Variants in R3HDM1 observed in about 807,000 individuals in gnomAD.
R3HDM1 encodes the protein R3H domain containing 1.
Under a neutral mutation model 141.1 loss-of-function variants are expected in R3HDM1, and 46 were observed. The observed-to-expected ratio is 0.33, with a 90% CI of 0.26 to 0.42. The LOEUF is 0.42. Among genes scored for constraint, R3HDM1 ranks in the 10% least tolerant of loss-of-function variants. The probability of loss-of-function intolerance (pLI) is 1.00; values close to 1 mark genes in which losing one functional copy is unlikely to be tolerated. For missense variants in R3HDM1, 1,184 were observed against 1,368.3 expected (o/e 0.87, Z 2.12); for synonymous variants, 435 against 472.9 (o/e 0.92, Z 1.04).
chr2:135,614,413 C>T (rs2060825157), intron 3 of R3HDM1, among the ~76,000 whole-genome samples: 1 of 152,078 alleles, frequency 6.6e-6, no homozygotes, highest in Non-Finnish European at 1.5e-5. Flanking sequence ...CTTTAATAAT[C>T]GATTACATTT....
chr2:135,564,887 T>C (rs1275276242), intron 1 of R3HDM1, among the ~76,000 whole-genome samples: 1 of 152,242 alleles, frequency 6.6e-6, no homozygotes, highest in Non-Finnish European at 1.5e-5. Context: ...CAAGTAGTTA[T>C]CACAAAATGG....
chr2:135,707,784 T>C (rs572258479), intron 21 of R3HDM1, among the ~76,000 whole-genome samples: 3 of 152,352 alleles, frequency 2.0e-5, no homozygotes, highest in East Asian at 3.9e-4. Flanking sequence ...AGGTAGCTAA[T>C]ACTTATATTA....
At chr2:135,624,454 C>T (rs1024991020) in intron 7 of R3HDM1, among the ~76,000 whole-genome samples, 2 of 151,016 alleles carry the variant, frequency 1.3e-5, no homozygotes, top group Non-Finnish European at 2.9e-5. Context: ...GAAGCATAGG[C>T]CATATCCAAC....
chr2:135,540,321 C>T (rs1157876987), intron 1 of R3HDM1, among the ~76,000 whole-genome samples: 3 of 152,144 alleles, frequency 2.0e-5, no homozygotes, highest in Admixed American at 6.5e-5. Flanking sequence ...AGGTTGAAAT[C>T]GATTTCTTCC....
At chr2:135,668,028 A>G (rs2067792777) in intron 19 of R3HDM1, among the ~76,000 whole-genome samples, 1 of 152,220 alleles carries the variant, frequency 6.6e-6, no homozygotes, top group Non-Finnish European at 1.5e-5. Flanking sequence ...TGTGAGGCAT[A>G]CCTGTAATTA....
intron 1 of R3HDM1, among the ~76,000 whole-genome samples, chr2:135,559,753 G>A (rs1172134320): frequency 2.0e-5 from 3 of 152,150 alleles, no homozygotes; most frequent in Admixed American, 6.5e-5. Context: ...TGAAGGAACT[G>A]TCTATCTCCA....
intron 18 of R3HDM1, among the ~76,000 whole-genome samples, chr2:135,657,064 C>T (rs1225000517): frequency 6.6e-6 from 1 of 151,442 alleles, no homozygotes; most frequent in Non-Finnish European, 1.5e-5. Flanking sequence ...CGTGCCACTG[C>T]ACTTCTGGGC....
chr2:135,572,383 C>T (rs1182897347), intron 1 of R3HDM1, among the ~76,000 whole-genome samples: 1 of 152,136 alleles, frequency 6.6e-6, no homozygotes, highest in Non-Finnish European at 1.5e-5. Context: ...GATATTTTTC[C>T]AGAGAAGATA....
At chr2:135,706,535 T>A (rs1432582864) in intron 21 of R3HDM1, among the ~76,000 whole-genome samples, 3 of 152,134 alleles carry the variant, frequency 2.0e-5, no homozygotes, top group Non-Finnish European at 4.4e-5. Context: ...CCTTACGCAG[T>A]GTTTGTGTCC....
chr2:135,598,508 C>T (rs572979024), intron 1 of R3HDM1, among the ~76,000 whole-genome samples: 1 of 152,276 alleles, frequency 6.6e-6, no homozygotes, highest in Admixed American at 6.5e-5. Flanking sequence ...TTCTTGGTAC[C>T]TACAGATGAT....
chr2:135,626,209 G>GTGCGTGTGTGCTTGCTTGCT (rs1553576639), intron 7 of R3HDM1, among the ~76,000 whole-genome samples: 1 of 143,334 alleles, frequency 7.0e-6, no homozygotes, highest in South Asian at 2.1e-4. Flanking sequence ...GCGTGCGTGC[G>GTGCGTGTGTGCTTGCTTGCT]TGCTTGCTTG....
intron 20 of R3HDM1, among the ~76,000 whole-genome samples, chr2:135,679,387 T>C (rs919716405): frequency 3.3e-5 from 5 of 152,274 alleles, no homozygotes; most frequent in Admixed American, 3.3e-4. Flanking sequence ...ATGGAGGTGG[T>C]GTTTCCATTT....
intron 21 of R3HDM1, among the ~76,000 whole-genome samples, chr2:135,699,075 TTAGATAGATAGA>T (rs59211429): frequency 4.2e-4 from 55 of 132,098 alleles, no homozygotes; most frequent in East Asian, 2.3e-3. Flanking sequence ...ATTAGATAGA[TTAGATAGATAGA>T]TAGATAGATA....
intron 21 of R3HDM1, among the ~76,000 whole-genome samples, chr2:135,694,089 A>G (rs1204548984): frequency 6.6e-6 from 1 of 152,234 alleles, no homozygotes; most frequent in Admixed American, 6.5e-5. Flanking sequence ...ATTATTCTTC[A>G]GTTTAGATTT....
intron 1 of R3HDM1, among the ~76,000 whole-genome samples, chr2:135,585,106 A>G (rs1257909181): frequency 3.3e-5 from 5 of 152,176 alleles, no homozygotes; most frequent in African/African-American, 4.8e-5. Context: ...AATTTTAGGT[A>G]AATCAGCGGG....
chr2:135,589,027 A>T (rs150534164), intron 1 of R3HDM1, among the ~76,000 whole-genome samples: 54 of 152,272 alleles, frequency 3.5e-4, no homozygotes, highest in African/African-American at 1.2e-3. Flanking sequence ...GTATCTGAGT[A>T]TTTAAAATAG....
intron 1 of R3HDM1, chr2:135,586,720 A>T: frequency 5.1e-6 from 5 of 985,396 alleles, no homozygotes; most frequent in Non-Finnish European, 6.0e-6. Context: ...TTTACTTCTC[A>T]GCTGTAGCAC....
intron 16 of R3HDM1, among the ~76,000 whole-genome samples, chr2:135,646,389 C>A (rs993948507): frequency 2.0e-5 from 3 of 150,746 alleles, no homozygotes; most frequent in Admixed American, 2.0e-4. Flanking sequence ...CCCGCCTCGG[C>A]CTCCCAAAGT....
intron 1 of R3HDM1, among the ~76,000 whole-genome samples, chr2:135,599,902 T>C (rs1465097670): frequency 6.6e-6 from 1 of 151,896 alleles, no homozygotes; most frequent in Non-Finnish European, 1.5e-5. Flanking sequence ...GGCATAGTGG[T>C]GGGCACCTAT....
Sources: gnomAD v4.1 joint callset for allele counts (sites outside exome capture counted in the v4.1 genomes callset) on GRCh38, gnomAD v4.1.1 for gene constraint, MANE v1.5 for transcripts, NCBI Gene and HGNC (gene_info 2026-07-23, HGNC 2026-07-21) for gene names.